Variants in SHB observed in about 807,000 individuals in gnomAD.
The protein encoded by SHB is SH2 domain containing adaptor protein B.
In SHB, 20 loss-of-function variants were observed where a neutral mutation model predicts 52.3. That is an observed-to-expected ratio of 0.38 (90% CI 0.27 to 0.56). The LOEUF (loss-of-function observed/expected upper bound fraction) is 0.56, where lower values mean the gene tolerates loss of function less well. Ranked by LOEUF, SHB falls within the 20% of genes least tolerant of loss-of-function variation. SHB has a pLI of 0.71. For synonymous variants in SHB, 397 were observed against 316.5 expected (o/e 1.25, Z -2.70); for missense variants, 825 against 723.3 (o/e 1.14, Z -1.61).
Position 37,976,292 on chromosome 9 carries a change from T to C in SHB, c.839-1455A>G, listed in dbSNP as rs532818033. On this transcript the variant is annotated intron_variant, in intron 2 of 5. Coordinates refer to ENST00000377707, the MANE Select transcript of SHB (RefSeq NM_003028.3). ...CTCATGTGATCTCCCTGCCTCTGCC[T>C]CCCAAAGTGCTGGGATTACAGGTGT... 5.3e-5 allele frequency among the ~76,000 whole-genome samples: 8 copies of C among 152,298 alleles called. 1 individual carries two copies. The highest frequency in any genetic ancestry group is 1.2e-4 in the Non-Finnish European group (8 of 68,010).
At chr9:38,011,291 C>T (rs547138739) in intron 2 of SHB, among the ~76,000 whole-genome samples, 52 of 152,302 alleles carry the variant, frequency 3.4e-4, no homozygotes, top group African/African-American at 1.1e-3. Flanking sequence ...AACCCAGAAA[C>T]GCTCTGGTAC....
At chr9:37,982,620 G>A (rs1425573004) in intron 2 of SHB, among the ~76,000 whole-genome samples, 3 of 144,580 alleles carry the variant, frequency 2.1e-5, no homozygotes, top group South Asian at 2.2e-4. Context: ...GTGAAACCCC[G>A]TCTCTACTAA....
chr9:37,946,381 T>C (rs1832492046), intron 5 of SHB, among the ~76,000 whole-genome samples: 1 of 152,192 alleles, frequency 6.6e-6, no homozygotes, highest in Non-Finnish European at 1.5e-5. Flanking sequence ...GGCCTGCTTT[T>C]ATAACTGAGG....
At chr9:37,921,391 A>T (rs1052029352) in intron 5 of SHB, among the ~76,000 whole-genome samples, 1 of 152,222 alleles carries the variant, frequency 6.6e-6, no homozygotes, top group African/African-American at 2.4e-5. Context: ...TCCCAAGCTT[A>T]CAAGTGCCCA....
At chr9:38,006,541 C>A (rs995149239) in intron 2 of SHB, among the ~76,000 whole-genome samples, 15 of 152,220 alleles carry the variant, frequency 9.9e-5, no homozygotes, top group Non-Finnish European at 1.5e-4. Flanking sequence ...TTCTGAAATG[C>A]AAGGCTGAGG....
At chr9:37,952,286 T>C (rs1033263882) in intron 4 of SHB, among the ~76,000 whole-genome samples, 2 of 152,018 alleles carry the variant, frequency 1.3e-5, no homozygotes, top group Non-Finnish European at 2.9e-5. Context: ...CCTGAGGAGA[T>C]GACATGTGGC....
At chr9:37,967,368 C>A (rs932646650) in intron 3 of SHB, among the ~76,000 whole-genome samples, 2 of 152,158 alleles carry the variant, frequency 1.3e-5, no homozygotes, top group African/African-American at 2.4e-5. Context: ...TTTGATGAGG[C>A]TTTGAAGGTG....
chr9:37,958,981 C>A (rs1832665424), intron 3 of SHB, among the ~76,000 whole-genome samples: 1 of 152,146 alleles, frequency 6.6e-6, no homozygotes, highest in Non-Finnish European at 1.5e-5. Context: ...CAAATTGGGG[C>A]CATGTCATCC....
intron 2 of SHB, among the ~76,000 whole-genome samples, chr9:37,996,721 G>A (rs1433391661): frequency 6.6e-6 from 1 of 152,092 alleles, no homozygotes. Context: ...TTCAAGGTTG[G>A]GCCTAGATCT....
chr9:37,921,027 C>A (rs72724185), intron 5 of SHB, among the ~76,000 whole-genome samples: 2 of 152,296 alleles, frequency 1.3e-5, no homozygotes, highest in Non-Finnish European at 2.9e-5. Flanking sequence ...CCAGCTCTCA[C>A]CAGGGCTGCA....
chr9:38,016,227 G>A, intron 1 of SHB, 96 bp from the exon 2 acceptor site: 1 of 1,361,044 alleles, frequency 7.3e-7, no homozygotes, highest in Non-Finnish European at 1.0e-6. Flanking sequence ...AGATGAGCAA[G>A]GAGAGGCAGG....
chr9:38,031,460 C>T (rs145168792), intron 1 of SHB, among the ~76,000 whole-genome samples: 221 of 152,224 alleles, frequency 1.5e-3, no homozygotes, highest in African/African-American at 5.0e-3. Flanking sequence ...AACCCCTAAC[C>T]GTCCATTTTT....
intron 5 of SHB, among the ~76,000 whole-genome samples, chr9:37,927,379 C>T (rs1289878383): frequency 6.6e-6 from 1 of 152,232 alleles, no homozygotes; most frequent in African/African-American, 2.4e-5. Flanking sequence ...CGCTGCTGAG[C>T]AAAATGACGT....
At chr9:38,036,301 A>G (rs1443639762) in intron 1 of SHB, among the ~76,000 whole-genome samples, 1 of 152,228 alleles carries the variant, frequency 6.6e-6, no homozygotes, top group Non-Finnish European at 1.5e-5. Context: ...TGAATTTCTA[A>G]AACAGCCACA....
intron 1 of SHB, among the ~76,000 whole-genome samples, chr9:38,051,850 T>C (rs778269692): frequency 7.9e-5 from 12 of 152,178 alleles, no homozygotes; most frequent in Non-Finnish European, 1.5e-4. Context: ...AAGGGGCTCT[T>C]TGACTGAGCC....
At chr9:37,923,270 G>A (rs1413778991) in intron 5 of SHB, among the ~76,000 whole-genome samples, 1 of 152,238 alleles carries the variant, frequency 6.6e-6, no homozygotes, top group Non-Finnish European at 1.5e-5. Context: ...TCCCCTCCAC[G>A]CTGATCTTCC....
rs568812490 is a variant in SHB, at chr9:37,951,582, G to A, written c.1227-2828C>T. On this transcript the variant is annotated intron_variant, in intron 4 of 5. Coordinates refer to ENST00000377707, the MANE Select transcript of SHB (RefSeq NM_003028.3). ...AGTCCCAGCCATTTGAAGCTGAGCC[G>A]TCCTCAGGGAAAGGCCTAGAAGTGG... Among the ~76,000 whole-genome samples the A allele has an allele frequency of 6.2e-4, 95 of 152,350 alleles. No homozygotes were observed. In the South Asian group the frequency reaches 0.014, roughly 22 times the overall value.
rs1822017112 is a variant in SHB, at chr9:38,068,896, G to C, written c.-251C>G. On this transcript the variant is annotated 5_prime_UTR_variant, in exon 1 of 6. Transcript: ENST00000377707. ...TAGGAATCTCGCGCCCCTCGTGGGCGCGTCTCATGGGGTCCCGGCCCACGC... is the reference window on the plus strand; with the variant it reads ...TAGGAATCTCGCGCCCCTCGTGGGCCCGTCTCATGGGGTCCCGGCCCACGC... 1 of 152,948 alleles carries C rather than the reference G, an allele frequency of 6.5e-6. No homozygotes were observed. Among genetic ancestry groups the C allele is most frequent in the African/African-American group, 2.4e-5 (1 of 41,366 alleles). The allele number at this position is 152,948 out of a possible 1,614,324, so 9.5% of individuals were successfully genotyped here.
At chr9:37,999,074 C>T (rs1439953755) in intron 2 of SHB, among the ~76,000 whole-genome samples, 2 of 152,176 alleles carry the variant, frequency 1.3e-5, no homozygotes, top group Non-Finnish European at 1.5e-5. Context: ...AGCGTTTACA[C>T]AGGAAAGCAA....
Sources: gnomAD v4.1 joint callset for allele counts (sites outside exome capture counted in the v4.1 genomes callset) on GRCh38, gnomAD v4.1.1 for gene constraint, MANE v1.5 for transcripts, NCBI Gene and HGNC (gene_info 2026-07-23, HGNC 2026-07-21) for gene names.